The following AMZ2 variants were observed in gnomAD, a reference collection of about 807,000 sequenced individuals.
The protein encoded by AMZ2 is archaelysin family metallopeptidase 2, also known as archaemetzincin-2.
A neutral mutation model predicts 36.7 loss-of-function variants in AMZ2; 26 were observed. That is an observed-to-expected ratio of 0.71 (90% confidence interval 0.52 to 0.98). The LOEUF (loss-of-function observed/expected upper bound fraction) is 0.98, where lower values mean the gene tolerates loss of function less well. AMZ2 is among the 50% of genes least tolerant of loss of function. The pLI is 0.00. For synonymous variants in AMZ2, 144 were observed against 149.1 expected, an observed-to-expected ratio of 0.97 and a Z score of 0.25; for missense variants, 394 against 430.5, an observed-to-expected ratio of 0.92 and a Z score of 0.75.
At chr17:68,222,382 T>G (rs782132716) in intron 1 of AMZ2, among the ~76,000 whole-genome samples, 1 of 152,202 alleles carries the variant, frequency 6.6e-6, no homozygotes, top group Non-Finnish European at 1.5e-5. Context: ...GTAGGGAGAT[T>G]GTTCTAGGGC....
At chr17:68,221,777 C>T (rs1261274578) in intron 1 of AMZ2, among the ~76,000 whole-genome samples, 3 of 151,968 alleles carry the variant, frequency 2.0e-5, no homozygotes, top group Non-Finnish European at 2.9e-5. Context: ...GCCTGTAATC[C>T]CAGCTACTCA....
chr17:68,237,817 G>C (rs1183905201), intron 1 of AMZ2, among the ~76,000 whole-genome samples: 1 of 152,142 alleles, frequency 6.6e-6, no homozygotes, highest in African/African-American at 2.4e-5. Flanking sequence ...GTCTTTGTTG[G>C]TTCCCTGCAC....
intron 1 of AMZ2, among the ~76,000 whole-genome samples, chr17:68,220,856 C>G (rs1276832875): frequency 6.7e-6 from 1 of 149,032 alleles, no homozygotes; most frequent in Non-Finnish European, 1.5e-5. Context: ...GATCTCGGCT[C>G]ACTACAACCT....
At chr17:68,219,766 TCAAA>T (rs1348313659) in intron 1 of AMZ2, among the ~76,000 whole-genome samples, 21 of 151,136 alleles carry the variant, frequency 1.4e-4, no homozygotes, top group African/African-American at 2.7e-4. Flanking sequence ...ACTCCTGAGC[TCAAA>T]CAATCTGCCC....
intron 1 of AMZ2, among the ~76,000 whole-genome samples, chr17:68,237,307 A>C (rs535383368): frequency 1.3e-5 from 2 of 152,192 alleles, no homozygotes; most frequent in African/African-American, 4.8e-5. Flanking sequence ...ATTTCTGGGC[A>C]AAAGGACCAG....
At chr17:68,209,636 T>A (rs1285342671) in intron 1 of AMZ2, among the ~76,000 whole-genome samples, 114 of 122,964 alleles carry the variant, frequency 9.3e-4, no homozygotes, top group African/African-American at 1.6e-3. Context: ...ATATATATTT[T>A]TTTTTTTTTT....
intron 1 of AMZ2, among the ~76,000 whole-genome samples, chr17:68,208,954 T>C (rs2072930702): frequency 6.6e-6 from 1 of 152,144 alleles, no homozygotes; most frequent in South Asian, 2.1e-4. Context: ...CTTTAAGAAC[T>C]GTGACACTCA....
intron 1 of AMZ2, among the ~76,000 whole-genome samples, chr17:68,229,671 AG>A (rs1452893680): frequency 4.6e-5 from 7 of 152,320 alleles, no homozygotes; most frequent in African/African-American, 1.7e-4. Flanking sequence ...ACCTTTACCT[AG>A]ACATTGGTTG....
chr17:68,220,410 T>G (rs2073316698), intron 1 of AMZ2, among the ~76,000 whole-genome samples: 1 of 152,082 alleles, frequency 6.6e-6, no homozygotes, highest in Non-Finnish European at 1.5e-5. Flanking sequence ...ACTTCTAGAT[T>G]AGACTGTAAG....
intron 1 of AMZ2, among the ~76,000 whole-genome samples, chr17:68,211,281 T>C (rs1365749679): frequency 6.6e-6 from 1 of 152,000 alleles, no homozygotes; most frequent in Admixed American, 6.6e-5. Flanking sequence ...TGCGGTAGGA[T>C]CATGAGGTCA....
intron 1 of AMZ2, among the ~76,000 whole-genome samples, chr17:68,217,129 A>T (rs1230499645): frequency 2.0e-5 from 3 of 152,188 alleles, no homozygotes; most frequent in African/African-American, 7.2e-5. Context: ...GTTTCCTGAT[A>T]TATCAGTATC....
rs11650667 is a variant in AMZ2 at position 68,217,142 on chromosome 17, T to C, written c.-67+10904T>C. Among the ~76,000 whole-genome samples the C allele has an allele frequency of 9.4e-3, 1,426 of 152,128 alleles. 16 individuals carry two copies. Among genetic ancestry groups the C allele is most frequent in the Middle Eastern group, 0.014 (4 of 292 alleles). On this transcript the variant is annotated intron_variant, in intron 1 of 7. Coordinates refer to the AMZ2 transcript ENST00000674770. Reference sequence around the variant, plus strand: ...CTGTTTCCTGATATATCAGTATCAATATATGAAACAGCATTCAGGGAAGCA... The same window carrying C: ...CTGTTTCCTGATATATCAGTATCAACATATGAAACAGCATTCAGGGAAGCA...
chr17:68,236,936 T>G (rs1220285274), intron 1 of AMZ2, among the ~76,000 whole-genome samples: 1 of 152,146 alleles, frequency 6.6e-6, no homozygotes, highest in African/African-American at 2.4e-5. Context: ...TAGCTTCAAA[T>G]TATATATACA....
chr17:68,247,984 GA>G (rs1271535646), upstream of AMZ2: 89 of 984,558 alleles, frequency 9.0e-5, no homozygotes, highest in Non-Finnish European at 5.8e-5. Context: ...GGGCGTGCGC[GA>G]CGCAGCGGCG....
At position 68,248,102 on chromosome 17, in the gene AMZ2, G is replaced by T; in HGVS notation, c.-604G>T. 1.0e-6 allele frequency: 1 copy of T among 986,420 alleles called. No individual in the cohort carries two copies. Among genetic ancestry groups the T allele is most frequent in the Non-Finnish European group, 1.2e-6 (1 of 830,604 alleles). 61.1% of individuals were successfully genotyped at this position (986,420 alleles called of 1,614,324 possible). ...GCTGCCGCGGGTGGGTGGTATCGAG[G>T]CCTGTCGGGTCAGGGCGGTTCGCGG... On this transcript the variant is annotated 5_prime_UTR_variant, in exon 1 of 7. Coordinates refer to ENST00000359904, the MANE Select transcript of AMZ2 (RefSeq NM_016627.5).
chr17:68,238,604 AT>A (rs1412245813), intron 1 of AMZ2, among the ~76,000 whole-genome samples: 3 of 104,898 alleles, frequency 2.9e-5, no homozygotes, highest in African/African-American at 1.5e-4. Flanking sequence ...CACACACACA[AT>A]CAGATTGTGG....
chr17:68,214,569 T>C (rs1473584283), intron 1 of AMZ2, among the ~76,000 whole-genome samples: 2 of 152,080 alleles, frequency 1.3e-5, no homozygotes, highest in African/African-American at 4.8e-5. Context: ...GGGAGAGAGA[T>C]GGTTTAGGAA....
chr17:68,233,763 C>T lies in AMZ2; in HGVS notation c.-66-14877C>T, dbSNP rs1411547732. Reference sequence around the variant, plus strand: ...TTGGGACAGGGTCTTGCTCTGTTGCCCAGGCTGGAGTGCAGTGGCATGATC... The same window carrying T: ...TTGGGACAGGGTCTTGCTCTGTTGCTCAGGCTGGAGTGCAGTGGCATGATC... On this transcript the variant is annotated intron_variant, in intron 1 of 7. Transcript: ENST00000674770. Among the ~76,000 whole-genome samples the T allele has an allele frequency of 5.3e-5, 8 of 150,674 alleles. No homozygotes were observed. The East Asian group carries it at 1.4e-3, about 26-fold the overall frequency.
chr17:68,242,034 G>C (rs2144649041), intron 1 of AMZ2, among the ~76,000 whole-genome samples: 1 of 151,618 alleles, frequency 6.6e-6, no homozygotes, highest in Admixed American at 6.6e-5. Context: ...GTGAGCCATT[G>C]CACCCGGTCC....
Sources: allele counts gnomAD v4.1 joint callset (sites outside exome capture counted in the v4.1 genomes callset), GRCh38; gene constraint gnomAD v4.1.1; transcripts MANE v1.5; gene names NCBI Gene and HGNC (gene_info 2026-07-23, HGNC 2026-07-21).